The following TMEM244 variants were observed in gnomAD, a reference collection of about 807,000 sequenced individuals.
TMEM244 encodes putative transmembrane protein 244.
In TMEM244, 13 loss-of-function variants were observed where a neutral mutation model predicts 15.8. That is an observed-to-expected ratio of 0.82 (90% CI 0.53 to 1.30). The LOEUF (loss-of-function observed/expected upper bound fraction) is 1.30. Ranked by LOEUF, TMEM244 falls within the 50% of genes most tolerant of loss-of-function variation. TMEM244 has a pLI of 0.00. For synonymous variants in TMEM244, 45 were observed against 48.7 expected (o/e 0.92, Z 0.32); for missense variants, 161 against 144.9 (o/e 1.11, Z -0.57).
intron 3 of TMEM244, among the ~76,000 whole-genome samples, chr6:129,835,686 A>G (rs1191535996): frequency 1.3e-5 from 2 of 152,186 alleles, no homozygotes; most frequent in East Asian, 3.9e-4. Context: ...GTGGAGAAAC[A>G]GTGCACTCCT....
intron 1 of TMEM244, among the ~76,000 whole-genome samples, chr6:129,857,839 T>C (rs1361539088): frequency 6.7e-6 from 1 of 149,350 alleles, no homozygotes; most frequent in Non-Finnish European, 1.5e-5. Flanking sequence ...TGTATATATA[T>C]GTACATATAT....
intron 1 of TMEM244, among the ~76,000 whole-genome samples, chr6:129,860,730 C>T (rs563859385): frequency 6.6e-6 from 1 of 151,722 alleles, no homozygotes; most frequent in African/African-American, 2.4e-5. Context: ...AACTAACAAA[C>T]CTACAGCTTG....
intron 1 of TMEM244, among the ~76,000 whole-genome samples, chr6:129,859,311 C>G (rs1206627094): frequency 6.6e-6 from 1 of 152,200 alleles, no homozygotes; most frequent in African/African-American, 2.4e-5. Flanking sequence ...AATACTTTCT[C>G]TCTTACTTCT....
chr6:129,841,592 G>A (rs984099517), intron 3 of TMEM244, among the ~76,000 whole-genome samples: 1 of 151,878 alleles, frequency 6.6e-6, no homozygotes, highest in East Asian at 1.9e-4. Flanking sequence ...GAGTTATAAG[G>A]TGTTGAGCAA....
intron 2 of TMEM244, among the ~76,000 whole-genome samples, chr6:129,844,102 T>TA (rs1353719531): frequency 6.7e-6 from 1 of 150,114 alleles, no homozygotes. Context: ...TTGAAAAAAG[T>TA]TACAAAATGA....
intron 3 of TMEM244, among the ~76,000 whole-genome samples, chr6:129,842,106 T>C (rs1430728039): frequency 6.6e-6 from 1 of 152,168 alleles, no homozygotes; most frequent in Non-Finnish European, 1.5e-5. Flanking sequence ...TATGTAAAAG[T>C]TCATCACTAA....
Position 129,845,801 on chromosome 6 carries a change from A to G in TMEM244, c.85T>C (p.Tyr29His), listed in dbSNP as rs1286008678. 3 of 1,613,258 alleles carry G rather than the reference A, an allele frequency of 1.9e-6. No individual in the cohort carries two copies. Among genetic ancestry groups the G allele is most frequent in the African/African-American group, 1.3e-5 (1 of 74,882 alleles). The change falls in exon 2 of 5, where the codon TAT becomes CAT. Residue 29 changes from tyrosine (Y) to histidine (H), a missense_variant. Coordinates refer to ENST00000368143, the MANE Select transcript of TMEM244 (RefSeq NM_001010876.2). ...LCVILFYTVY[Y>H]VSLSMGCVMF... ...ACGCAGCCCATGCTCAGGGACACAT[A>G]GTACACAGTGTAGAAAAGAATGACA... is the stretch of plus-strand genomic sequence containing the variant.
chr6:129,861,118 C>T, intron 1 of TMEM244, 38 bp downstream of exon 1: 1 of 1,609,694 alleles, frequency 6.2e-7, no homozygotes, highest in Non-Finnish European at 8.5e-7. Flanking sequence ...TGCTAGGCAG[C>T]AACTGAAAGG....
chr6:129,847,502 A>G (rs1776576468), intron 1 of TMEM244, among the ~76,000 whole-genome samples: 1 of 152,144 alleles, frequency 6.6e-6, no homozygotes, highest in Non-Finnish European at 1.5e-5. Flanking sequence ...GAATGGACCA[A>G]ATTTACAGAT....
At chr6:129,848,470 T>C (rs1776591308) in intron 1 of TMEM244, among the ~76,000 whole-genome samples, 1 of 152,082 alleles carries the variant, frequency 6.6e-6, no homozygotes, top group African/African-American at 2.4e-5. Flanking sequence ...AAAAGAAAAA[T>C]TGGAGTTCTA....
rs574647676 is a variant in TMEM244, at chr6:129,834,076, G to A, written c.194-491C>T. Among the ~76,000 whole-genome samples the A allele has an allele frequency of 3.3e-5, 5 of 152,300 alleles. No homozygotes were observed. The East Asian group carries it at 5.8e-4, about 18-fold the overall frequency. Reference sequence around the variant, plus strand: ...TTGTGTTTTTGTAATAAAATGGTTCGTTCAGATCGTCACTTGGGAAACATA... The same window carrying A: ...TTGTGTTTTTGTAATAAAATGGTTCATTCAGATCGTCACTTGGGAAACATA... On this transcript the variant is annotated intron_variant, in intron 3 of 4. Transcript: ENST00000368143.
At chr6:129,846,276 A>G (rs1776560061) in intron 1 of TMEM244, among the ~76,000 whole-genome samples, 1 of 152,212 alleles carries the variant, frequency 6.6e-6, no homozygotes. Flanking sequence ...ATTTTTTAAT[A>G]CATTCACTTA....
At chr6:129,858,405 G>A (rs1454980793) in intron 1 of TMEM244, among the ~76,000 whole-genome samples, 3 of 152,144 alleles carry the variant, frequency 2.0e-5, no homozygotes, top group Admixed American at 6.6e-5. Flanking sequence ...GTGTGATTTT[G>A]CAAAGCAGAA....
chr6:129,841,411 G>T (rs918540894), intron 3 of TMEM244, among the ~76,000 whole-genome samples: 14 of 147,286 alleles, frequency 9.5e-5, no homozygotes, highest in African/African-American at 3.5e-4. Context: ...TCACACACTG[G>T]GTCCGGTCGG....
chr6:129,834,188 GT>G (rs1776372028), intron 3 of TMEM244, among the ~76,000 whole-genome samples: 2 of 152,322 alleles, frequency 1.3e-5, no homozygotes, highest in Middle Eastern at 3.4e-3. Context: ...TGACAGAGTA[GT>G]TTACCTGAAC....
chr6:129,835,706 C>G (rs995440227), intron 3 of TMEM244, among the ~76,000 whole-genome samples: 2 of 152,186 alleles, frequency 1.3e-5, no homozygotes, highest in African/African-American at 4.8e-5. Flanking sequence ...TGACAAAATA[C>G]TGCACTATTC....
intron 3 of TMEM244, among the ~76,000 whole-genome samples, chr6:129,840,581 GATCTA>G (rs1776476065): frequency 6.6e-6 from 1 of 152,128 alleles, no homozygotes; most frequent in Non-Finnish European, 1.5e-5. Flanking sequence ...AGACAAATGG[GATCTA>G]ATTAAACTAA....
intron 3 of TMEM244, among the ~76,000 whole-genome samples, chr6:129,841,661 T>C (rs1042013496): frequency 4.6e-5 from 7 of 152,170 alleles, no homozygotes; most frequent in Admixed American, 3.3e-4. Flanking sequence ...TGGAGTATTA[T>C]TTATCTCAAA....
intron 4 of TMEM244, among the ~76,000 whole-genome samples, chr6:129,832,093 CTT>C (rs1177577598): frequency 4.4e-5 from 5 of 114,126 alleles, no homozygotes; most frequent in Admixed American, 9.3e-5. Flanking sequence ...ACAGATTGTA[CTT>C]TTTTTTTTTT....
Sources: gnomAD v4.1 joint callset for allele counts (sites outside exome capture counted in the v4.1 genomes callset) on GRCh38, gnomAD v4.1.1 for gene constraint, MANE v1.5 for transcripts, NCBI Gene and HGNC (gene_info 2026-07-23, HGNC 2026-07-21) for gene names.